The following DGKG variants were observed in gnomAD, a reference collection of about 807,000 sequenced individuals.
DGKG encodes diacylglycerol kinase gamma.
A neutral mutation model predicts 105.3 loss-of-function variants in DGKG; 78 were observed. The ratio of observed to expected loss-of-function variants is 0.74; its 90% CI spans 0.62 to 0.89. The LOEUF is 0.89. Among genes scored for constraint, DGKG ranks in the 40% least tolerant of loss-of-function variants. The pLI is 0.00. For missense variants in DGKG, 958 were observed against 1,020.1 expected (o/e 0.94, Z 0.83); for synonymous variants, 346 against 367.1 (o/e 0.94, Z 0.66).
intron 24 of DGKG, 65 bp downstream of exon 24, chr3:186,161,538 T>C (rs1716291271): frequency 6.2e-7 from 1 of 1,611,628 alleles, no homozygotes. Flanking sequence ...TCATATTAAG[T>C]CAGTGCCCAA....
chr3:186,325,275 GA>G (rs1725284249), intron 1 of DGKG, among the ~76,000 whole-genome samples: 1 of 152,134 alleles, frequency 6.6e-6, no homozygotes, highest in African/African-American at 2.4e-5. Flanking sequence ...CTGAAAAACT[GA>G]AAAACTGAAA....
At chr3:186,211,128 C>A (rs1419405938) in intron 21 of DGKG, among the ~76,000 whole-genome samples, 6 of 152,268 alleles carry the variant, frequency 3.9e-5, no homozygotes, top group Admixed American at 3.9e-4. Context: ...ACAAGTGCAC[C>A]AACAGGATTG....
At chr3:186,256,028 G>A (rs758139844) in intron 17 of DGKG, among the ~76,000 whole-genome samples, 2 of 152,066 alleles carry the variant, frequency 1.3e-5, no homozygotes, top group Admixed American at 6.6e-5. Context: ...AAAGCTCTCC[G>A]CCAAAGCCTA....
chr3:186,181,787 A>G (rs1028604945), intron 22 of DGKG, among the ~76,000 whole-genome samples: 1 of 152,218 alleles, frequency 6.6e-6, no homozygotes, highest in African/African-American at 2.4e-5. Context: ...TTCAAATAGG[A>G]TTGACCAAGA....
chr3:186,246,810 G>A (rs1413668976), intron 19 of DGKG, among the ~76,000 whole-genome samples: 1 of 152,180 alleles, frequency 6.6e-6, no homozygotes, highest in Non-Finnish European at 1.5e-5. Flanking sequence ...GATCTGCAAG[G>A]TGGAAAACGG....
At chr3:186,211,733 T>C (rs1383517116) in intron 21 of DGKG, 62 bp downstream of exon 21, 5 of 1,184,008 alleles carry the variant, frequency 4.2e-6, no homozygotes, top group Admixed American at 3.4e-5. Context: ...ATCCTGTGCA[T>C]GTGTGACAGT....
intron 19 of DGKG, among the ~76,000 whole-genome samples, chr3:186,249,921 T>TA (rs1206281315): frequency 1.3e-5 from 2 of 151,994 alleles, no homozygotes; most frequent in South Asian, 2.1e-4. Flanking sequence ...CTCTTTCCTT[T>TA]AAAAAAAATT....
chr3:186,232,026 A>G (rs1428859751), intron 20 of DGKG, among the ~76,000 whole-genome samples: 1 of 152,266 alleles, frequency 6.6e-6, no homozygotes, highest in African/African-American at 2.4e-5. Flanking sequence ...CTTTTGAGAT[A>G]CAGCAAAACT....
At chr3:186,189,696 C>G (rs1175357306) in intron 21 of DGKG, among the ~76,000 whole-genome samples, 1 of 152,150 alleles carries the variant, frequency 6.6e-6, no homozygotes, top group East Asian at 1.9e-4. Context: ...AGTGACTCAC[C>G]TCCTGATTTC....
At chr3:186,321,765 A>G (rs1024518952) in intron 1 of DGKG, among the ~76,000 whole-genome samples, 6 of 152,336 alleles carry the variant, frequency 3.9e-5, no homozygotes, top group Non-Finnish European at 7.3e-5. Context: ...AGAGTGAACT[A>G]GAGCTGAGGG....
At position 186,297,062 on chromosome 3, in the gene DGKG, T is replaced by TCACACACACACACA. The variant is rs1491170428; in HGVS notation, c.373+358_373+359insTGTGTGTGTGTGTG. ...CCACCTCTCTCTGTCTGTCTGTCTG[T>TCACACACACACACA]CTCTCTCACACACACACACACACAC... is the stretch of plus-strand genomic sequence containing the variant. On this transcript the variant is annotated intron_variant, in intron 5 of 24. Coordinates refer to ENST00000265022, the MANE Select transcript of DGKG (RefSeq NM_001346.3). Among the ~76,000 whole-genome samples, 111 of 26,792 alleles carry TCACACACACACACA rather than the reference T, an allele frequency of 4.1e-3. 1 individual carries two copies. Among genetic ancestry groups the TCACACACACACACA allele is most frequent in the African/African-American group, 8.6e-3 (110 of 12,800 alleles). The allele number at this position is 26,792 out of a possible 152,430, so 17.6% of individuals were successfully genotyped here.
chr3:186,307,915 T>G (rs1724332644), intron 2 of DGKG, among the ~76,000 whole-genome samples: 1 of 151,874 alleles, frequency 6.6e-6, no homozygotes, highest in South Asian at 2.1e-4. Context: ...TTATTTTTTA[T>G]CTTGATGGAT....
intron 21 of DGKG, among the ~76,000 whole-genome samples, chr3:186,200,141 C>T (rs1227488404): frequency 6.6e-6 from 1 of 152,052 alleles, no homozygotes; most frequent in East Asian, 1.9e-4. Flanking sequence ...TAAATCAAGT[C>T]CTCTAAGGAA....
chr3:186,165,340 C>A (rs1053457807), intron 22 of DGKG, among the ~76,000 whole-genome samples: 1 of 152,188 alleles, frequency 6.6e-6, no homozygotes, highest in African/African-American at 2.4e-5. Context: ...TTATTTTCAA[C>A]CCCTATGCAG....
At chr3:186,228,353 T>C (rs186565132) in intron 20 of DGKG, among the ~76,000 whole-genome samples, 69 of 152,312 alleles carry the variant, frequency 4.5e-4, no homozygotes, top group African/African-American at 1.5e-3. Flanking sequence ...TAACACTCTG[T>C]CTGTACTATT....
At chr3:186,170,019 T>C (rs1329794339) in intron 22 of DGKG, among the ~76,000 whole-genome samples, 2 of 152,192 alleles carry the variant, frequency 1.3e-5, no homozygotes, top group Admixed American at 1.3e-4. Flanking sequence ...CACTAGCCGA[T>C]GCACAAATTC....
chr3:186,223,084 A>G (rs1217324627), intron 20 of DGKG, among the ~76,000 whole-genome samples: 4 of 142,550 alleles, frequency 2.8e-5, no homozygotes, highest in Non-Finnish European at 4.6e-5. Flanking sequence ...CCATTGTTGT[A>G]TATAAAACTG....
chr3:186,178,041 G>C (rs537298927), intron 22 of DGKG, among the ~76,000 whole-genome samples: 13 of 152,112 alleles, frequency 8.5e-5, no homozygotes, highest in Non-Finnish European at 1.8e-4. Flanking sequence ...CAAGAGAGAT[G>C]ATCTCTCCAC....
At chr3:186,333,582 A>G (rs763515962) in intron 1 of DGKG, among the ~76,000 whole-genome samples, 1 of 152,190 alleles carries the variant, frequency 6.6e-6, no homozygotes, top group African/African-American at 2.4e-5. Flanking sequence ...TACTCCTTCT[A>G]TAACATTTTG....
Sources: allele counts gnomAD v4.1 joint callset (sites outside exome capture counted in the v4.1 genomes callset), GRCh38; gene constraint gnomAD v4.1.1; transcripts MANE v1.5; gene names NCBI Gene and HGNC (gene_info 2026-07-23, HGNC 2026-07-21).